OLFM4: variants seen among roughly 807,000 people sequenced by gnomAD.
OLFM4 encodes olfactomedin 4.
In OLFM4, 22 loss-of-function variants were observed where a neutral mutation model predicts 25.5. The ratio of observed to expected loss-of-function variants is 0.86; its 90% CI spans 0.62 to 1.23. OLFM4 has a LOEUF of 1.23. Among genes scored for constraint, OLFM4 ranks in the 50% most tolerant of loss-of-function variants. The probability of loss-of-function intolerance (pLI) is 0.00; values close to 1 mark genes in which losing one functional copy is unlikely to be tolerated. For missense variants in OLFM4, 594 were observed against 619.4 expected (o/e 0.96, Z 0.44); for synonymous variants, 255 against 237.7 (o/e 1.07, Z -0.67).
chr13:53,036,261 C>G (rs548674394), intron 2 of OLFM4, among the ~76,000 whole-genome samples: 7 of 152,246 alleles, frequency 4.6e-5, no homozygotes, highest in Admixed American at 2.6e-4. Context: ...TAAATTCTAA[C>G]CATTAATATT....
At chr13:53,044,659 G>A (rs1438096532) in intron 4 of OLFM4, among the ~76,000 whole-genome samples, 3 of 152,228 alleles carry the variant, frequency 2.0e-5, no homozygotes, top group East Asian at 1.9e-4. Context: ...CCAGAAAGGA[G>A]GTGACATAAA....
In OLFM4 at chr13:53,042,092, C is replaced by G. The variant is rs757790521; in HGVS notation, c.540C>G (p.Ser180Arg). 2 of 1,613,894 alleles carry G rather than the reference C, an allele frequency of 1.2e-6. No individual in the cohort carries two copies. Among genetic ancestry groups the G allele is most frequent in the South Asian group, 2.2e-5 (2 of 91,076 alleles). The change falls in exon 3 of 5, where the codon AGC becomes AGG. Residue 180 changes from serine (S) to arginine (R), a missense_variant. Physicochemically the swap from Ser to Arg is moderately radical, Grantham distance 110. Coordinates refer to ENST00000219022, the MANE Select transcript of OLFM4 (RefSeq NM_006418.5). ...AGCTGAAGGAGAGTTTTGGTGGAAG[C>G]TCAGAAATTGTTGACCAGCTGGAGG... ...VIQLKESFGGSSEIVDQLEVE... is the reference protein window; with the variant it reads ...VIQLKESFGGRSEIVDQLEVE...
chr13:53,038,804 T>C (rs1340148050), intron 2 of OLFM4, among the ~76,000 whole-genome samples: 1 of 152,214 alleles, frequency 6.6e-6, no homozygotes, highest in Non-Finnish European at 1.5e-5. Context: ...AGCTACAGAT[T>C]CATATATGTG....
chr13:53,049,514 T>C (rs1043152026), intron 4 of OLFM4, among the ~76,000 whole-genome samples: 1 of 152,198 alleles, frequency 6.6e-6, no homozygotes, highest in Non-Finnish European at 1.5e-5. Flanking sequence ...GATAGATTTC[T>C]ATAAATCTTG....
At chr13:53,034,551 A>G (rs755341129) in intron 2 of OLFM4, 51 bp downstream of exon 2, 43 of 1,473,600 alleles carry the variant, frequency 2.9e-5, no homozygotes, top group Middle Eastern at 1.9e-4. Context: ...ACAAAACAAA[A>G]TGTGTTTTAA....
intron 1 of OLFM4, among the ~76,000 whole-genome samples, chr13:53,032,967 A>G (rs904460816): frequency 1.3e-5 from 2 of 152,086 alleles, no homozygotes; most frequent in Non-Finnish European, 2.9e-5. Context: ...TCTGAAGACC[A>G]TTGCTGTCTC....
chr13:53,032,981 A>G (rs1386643374), intron 1 of OLFM4, among the ~76,000 whole-genome samples: 1 of 152,124 alleles, frequency 6.6e-6, no homozygotes, highest in Non-Finnish European at 1.5e-5. Flanking sequence ...CTGTCTCCTT[A>G]GAGGTTTCAT....
intron 2 of OLFM4, 29 bp from the exon 3 acceptor site, chr13:53,041,881 T>C (rs748629122): frequency 2.6e-6 from 4 of 1,551,902 alleles, no homozygotes; most frequent in Non-Finnish European, 8.9e-7. Flanking sequence ...ACTCAGGGAA[T>C]TGGCTTGAAC....
At chr13:53,044,987 T>C (rs934207899) in intron 4 of OLFM4, among the ~76,000 whole-genome samples, 9 of 152,222 alleles carry the variant, frequency 5.9e-5, no homozygotes, top group African/African-American at 2.2e-4. Flanking sequence ...CAGGGCCATC[T>C]AACTTAGCCT....
chr13:53,040,511 A>G (rs1954681627), intron 2 of OLFM4, among the ~76,000 whole-genome samples: 1 of 152,250 alleles, frequency 6.6e-6, no homozygotes. Context: ...TCCCTTCTCC[A>G]GAAAATACTT....
In OLFM4 at chr13:53,050,245, A is replaced by G. The variant is rs77938256; in HGVS notation, c.1007A>G (p.Asn336Ser). ...GQGSGTAVYN[N>S]NMYVNMYNTG... is the part of the protein sequence containing the mutation. ...GGTAGTGGTACAGCAGTTTACAACA[A>G]CAACATGTACGTCAACATGTACAAC... The change falls in exon 5 of 5, where the codon AAC becomes AGC. Residue 336 changes from asparagine to serine, a missense_variant. Asn to Ser is a conservative substitution (Grantham distance 46, BLOSUM62 1). Transcript: ENST00000219022. 2 of 1,614,130 alleles carry G rather than the reference A, an allele frequency of 1.2e-6. No individual in the cohort carries two copies. Among genetic ancestry groups the G allele is most frequent in the Non-Finnish European group, 8.5e-7 (1 of 1,179,978 alleles).
chr13:53,042,796 A>C (rs1376499231), intron 3 of OLFM4, among the ~76,000 whole-genome samples: 1 of 152,232 alleles, frequency 6.6e-6, no homozygotes, highest in African/African-American at 2.4e-5. Context: ...ATGAGTAAAC[A>C]CAAGTTTATA....
chr13:53,037,071 T>C (rs1954662670), intron 2 of OLFM4, among the ~76,000 whole-genome samples: 1 of 152,224 alleles, frequency 6.6e-6, no homozygotes, highest in Non-Finnish European at 1.5e-5. Flanking sequence ...GTCCCTAGGT[T>C]GCCTTGAAAA....
At chr13:53,041,745 T>C (rs1056009005) in intron 2 of OLFM4, among the ~76,000 whole-genome samples, 165 bp from the exon 3 acceptor site, 4 of 152,222 alleles carry the variant, frequency 2.6e-5, no homozygotes, top group African/African-American at 7.2e-5. Flanking sequence ...TCTTTGTATA[T>C]GGATAGATTT....
rs139166515 is a variant in OLFM4, at chr13:53,039,677, T to C, written c.358-2233T>C. ...AAGCATCCTTGAATTTTGTTATTCT[T>C]GGGAGGTTCTGAAACCAATCCACCA... On this transcript the variant is annotated intron_variant, in intron 2 of 4. Coordinates refer to ENST00000219022, the MANE Select transcript of OLFM4 (RefSeq NM_006418.5). Among the ~76,000 whole-genome samples, 659 of 152,290 alleles carry C rather than the reference T, an allele frequency of 4.3e-3. 6 individuals carry two copies. The highest frequency in any genetic ancestry group is 0.015 in the African/African-American group (625 of 41,562).
chr13:53,037,928 A>C (rs1954667118), intron 2 of OLFM4, among the ~76,000 whole-genome samples: 1 of 152,182 alleles, frequency 6.6e-6, no homozygotes, highest in Non-Finnish European at 1.5e-5. Flanking sequence ...GACCACATTA[A>C]TTATAAGGAA....
chr13:53,043,055 A>C (rs200611659), intron 3 of OLFM4, 50 bp from the exon 4 acceptor site: 41 of 1,444,432 alleles, frequency 2.8e-5, no homozygotes, highest in Non-Finnish European at 6.6e-6. Context: ...AATGTTTATG[A>C]AAGAAATTGC....
intron 2 of OLFM4, among the ~76,000 whole-genome samples, chr13:53,036,949 T>A (rs1156787974): frequency 1.3e-5 from 2 of 152,204 alleles, no homozygotes; most frequent in African/African-American, 4.8e-5. Context: ...TTGGCCATGC[T>A]GTTAGCATCC....
At chr13:53,040,887 T>A (rs1253102772) in intron 2 of OLFM4, among the ~76,000 whole-genome samples, 1 of 152,138 alleles carries the variant, frequency 6.6e-6, no homozygotes, top group Non-Finnish European at 1.5e-5. Context: ...TCAATATCAC[T>A]TGATCATTAG....
Sources: gnomAD v4.1 joint callset for allele counts (sites outside exome capture counted in the v4.1 genomes callset) on GRCh38, gnomAD v4.1.1 for gene constraint, MANE v1.5 for transcripts, NCBI Gene and HGNC (gene_info 2026-07-23, HGNC 2026-07-21) for gene names.